The following SIK3 variants were observed in gnomAD, a reference collection of about 807,000 sequenced individuals.
SIK3 encodes serine/threonine-protein kinase SIK3.
In SIK3, 28 loss-of-function variants were observed where a neutral mutation model predicts 144.2. The ratio of observed to expected loss-of-function variants is 0.19; its 90% CI spans 0.14 to 0.27. The LOEUF (loss-of-function observed/expected upper bound fraction) is 0.27. SIK3 is among the 10% of genes least tolerant of loss of function. SIK3 has a pLI of 1.00. For missense variants in SIK3, 1,319 were observed against 1,776.0 expected, an observed-to-expected ratio of 0.74 and a Z score of 4.62; for synonymous variants, 686 against 676.3, an observed-to-expected ratio of 1.01 and a Z score of -0.22.
intron 6 of SIK3, among the ~76,000 whole-genome samples, chr11:116,891,114 T>C (rs1565415360): frequency 6.6e-6 from 1 of 151,978 alleles, no homozygotes; most frequent in South Asian, 2.1e-4. Context: ...CAAGACCAGC[T>C]TGGTCAACAG....
intron 13 of SIK3, 124 bp downstream of exon 13, chr11:116,873,357 T>A (rs1353928397): frequency 7.5e-7 from 1 of 1,325,654 alleles, no homozygotes; most frequent in Non-Finnish European, 1.1e-6. Flanking sequence ...GGCTGGAGCA[T>A]CCTAAGTTTG....
chr11:116,940,330 A>G (rs1004697815), intron 3 of SIK3, among the ~76,000 whole-genome samples: 2 of 151,402 alleles, frequency 1.3e-5, no homozygotes, highest in African/African-American at 4.9e-5. Flanking sequence ...CCCATATTCA[A>G]GTGATTCTTG....
chr11:116,856,622 A>C (rs762209762), intron 21 of SIK3, among the ~76,000 whole-genome samples: 12 of 152,174 alleles, frequency 7.9e-5, no homozygotes, highest in African/African-American at 1.4e-4. Flanking sequence ...AACACAGTAC[A>C]TCTCACTGGA....
chr11:116,986,920 C>T (rs895501994), intron 1 of SIK3, among the ~76,000 whole-genome samples: 1 of 152,086 alleles, frequency 6.6e-6, no homozygotes, highest in Non-Finnish European at 1.5e-5. Flanking sequence ...CTGGCTCAAA[C>T]TCATAGAAAC....
At chr11:117,011,411 T>C (rs527850892) in intron 1 of SIK3, among the ~76,000 whole-genome samples, 1 of 152,306 alleles carries the variant, frequency 6.6e-6, no homozygotes, top group South Asian at 2.1e-4. Flanking sequence ...AAGAGATGAT[T>C]TGGGATGAGT....
At chr11:116,863,636 C>A in intron 16 of SIK3, 32 bp downstream of exon 16, 1 of 1,613,262 alleles carries the variant, frequency 6.2e-7, no homozygotes, top group South Asian at 1.1e-5. Flanking sequence ...CACCCATGCT[C>A]CTCCAGGGAT....
At chr11:117,066,055 TTTTTC>T (rs890577307) in intron 1 of SIK3, among the ~76,000 whole-genome samples, 11 of 151,552 alleles carry the variant, frequency 7.3e-5, no homozygotes, top group East Asian at 1.9e-4. Flanking sequence ...GAATACTTTA[TTTTTC>T]TTTTCTTTTC....
intron 21 of SIK3, among the ~76,000 whole-genome samples, chr11:116,856,653 A>G (rs1942950119): frequency 6.6e-6 from 1 of 152,188 alleles, no homozygotes; most frequent in African/African-American, 2.4e-5. Context: ...CAGCTGGATG[A>G]CACCCATCTG....
chr11:116,908,709 C>G (rs1209349150), intron 4 of SIK3, among the ~76,000 whole-genome samples: 1 of 151,976 alleles, frequency 6.6e-6, no homozygotes, highest in Admixed American at 6.6e-5. Flanking sequence ...AAAATTAAAA[C>G]CACAACAAGA....
intron 1 of SIK3, among the ~76,000 whole-genome samples, chr11:116,998,836 T>C (rs921049707): frequency 6.6e-6 from 1 of 152,252 alleles, no homozygotes; most frequent in Non-Finnish European, 1.5e-5. Context: ...TATAAATTTT[T>C]GTTTACTATA....
chr11:117,088,419 TTTTC>T (rs1287773888), intron 1 of SIK3, among the ~76,000 whole-genome samples: 1 of 152,182 alleles, frequency 6.6e-6, no homozygotes, highest in African/African-American at 2.4e-5. Flanking sequence ...AGAAAATTAC[TTTTC>T]TTTAACATCT....
At chr11:116,883,519 T>C (rs1004036122) in intron 6 of SIK3, among the ~76,000 whole-genome samples, 1 of 152,186 alleles carries the variant, frequency 6.6e-6, no homozygotes, top group Non-Finnish European at 1.5e-5. Flanking sequence ...GCCCTAAAAA[T>C]GATGTTTTAT....
intron 21 of SIK3, chr11:116,857,067 C>T (rs1411076491): frequency 2.0e-5 from 3 of 152,150 alleles, no homozygotes; most frequent in African/African-American, 2.4e-5. Context: ...CAATCCTGAT[C>T]TCCTTCAGAA....
chr11:116,854,672 A>G (rs1191344064), intron 21 of SIK3, among the ~76,000 whole-genome samples: 1 of 152,172 alleles, frequency 6.6e-6, no homozygotes, highest in Non-Finnish European at 1.5e-5. Context: ...GAGAAGAGTG[A>G]GCTCCCCCAC....
At chr11:116,870,487 T>C in intron 13 of SIK3, 86 bp from the exon 14 acceptor site, 1 of 1,572,796 alleles carries the variant, frequency 6.4e-7, no homozygotes, top group East Asian at 2.3e-5. Context: ...GGGGCAGGAC[T>C]TTCTGTTAAC....
chr11:116,850,906 G>A (rs1256308212), intron 21 of SIK3, among the ~76,000 whole-genome samples: 2 of 152,178 alleles, frequency 1.3e-5, no homozygotes, highest in Non-Finnish European at 2.9e-5. Context: ...CTACTCAGGA[G>A]GCTGAGGCAG....
At chr11:116,937,714 A>G (rs1303950816) in intron 3 of SIK3, among the ~76,000 whole-genome samples, 1 of 152,228 alleles carries the variant, frequency 6.6e-6, no homozygotes. Flanking sequence ...AACTAAAGAT[A>G]TAATATTTAA....
intron 1 of SIK3, among the ~76,000 whole-genome samples, chr11:117,070,664 T>C (rs901659107): frequency 4.0e-5 from 6 of 151,806 alleles, no homozygotes; most frequent in African/African-American, 1.5e-4. Context: ...CAGGCTGGTC[T>C]CGAACTCCTG....
At chr11:116,861,414 A>G in intron 18 of SIK3, 31 bp from the exon 19 acceptor site, 1 of 1,487,534 alleles carries the variant, frequency 6.7e-7, no homozygotes, top group Non-Finnish European at 9.3e-7. Flanking sequence ...TACACAAAGA[A>G]GCTTCCTAAG....
Sources: gnomAD v4.1 joint callset for allele counts (sites outside exome capture counted in the v4.1 genomes callset) on GRCh38, gnomAD v4.1.1 for gene constraint, MANE v1.5 for transcripts, NCBI Gene and HGNC (gene_info 2026-07-23, HGNC 2026-07-21) for gene names.